The following PHF21A variants were observed in gnomAD, a reference collection of about 807,000 sequenced individuals.
The protein encoded by PHF21A is PHD finger protein 21A.
Under a neutral mutation model 82.5 loss-of-function variants are expected in PHF21A, and 11 were observed. That is an observed-to-expected ratio of 0.13 (90% confidence interval 0.08 to 0.22). The LOEUF (loss-of-function observed/expected upper bound fraction) is 0.22, where lower values mean the gene tolerates loss of function less well. Ranked by LOEUF, PHF21A falls within the 10% of genes least tolerant of loss-of-function variation. The pLI is 1.00. For synonymous variants in PHF21A, 297 were observed against 302.8 expected (o/e 0.98, Z 0.20); for missense variants, 579 against 837.8 (o/e 0.69, Z 3.81).
chr11:45,968,167 A>G lies in PHF21A; in HGVS notation c.702+1648T>C, dbSNP rs149561785. On this transcript the variant is annotated intron_variant, in intron 9 of 18. Coordinates refer to ENST00000676320, the MANE Select transcript of PHF21A (RefSeq NM_001352027.3). ...TCAACATTGGTTATTACCATTATTG[A>G]CAATGTCTTAACTGTTCTTCCTGCC... Among the ~76,000 whole-genome samples the G allele has an allele frequency of 3.4e-3, 519 of 152,372 alleles. 3 individuals carry two copies. Among genetic ancestry groups the G allele is most frequent in the South Asian group, 0.025 (122 of 4,830 alleles).
At chr11:46,080,220 G>A (rs768143527) in intron 4 of PHF21A, among the ~76,000 whole-genome samples, 53 of 152,000 alleles carry the variant, frequency 3.5e-4, no homozygotes, top group Middle Eastern at 3.4e-3. Flanking sequence ...GTACAGTGGT[G>A]TGATCATGGC....
chr11:45,985,056 G>C (rs2094445681), intron 6 of PHF21A, among the ~76,000 whole-genome samples: 1 of 152,120 alleles, frequency 6.6e-6, no homozygotes, highest in Non-Finnish European at 1.5e-5. Flanking sequence ...TGGGTCTTCA[G>C]ACACACCAAT....
At chr11:46,107,268 T>A (rs757722328) in intron 1 of PHF21A, among the ~76,000 whole-genome samples, 6 of 152,092 alleles carry the variant, frequency 3.9e-5, no homozygotes, top group Non-Finnish European at 8.8e-5. Context: ...GATGACTGAG[T>A]CTAGAATAAA....
At chr11:46,103,105 G>A (rs1008499516) in intron 1 of PHF21A, among the ~76,000 whole-genome samples, 3 of 152,100 alleles carry the variant, frequency 2.0e-5, no homozygotes, top group African/African-American at 4.8e-5. Flanking sequence ...CTGCACCCCC[G>A]TCACATACAG....
chr11:46,008,194 C>CT (rs557761335), intron 6 of PHF21A, among the ~76,000 whole-genome samples: 1 of 152,228 alleles, frequency 6.6e-6, no homozygotes, highest in Admixed American at 6.5e-5. Flanking sequence ...CCCATACACT[C>CT]TATCATGTGA....
At chr11:46,027,580 T>C in intron 6 of PHF21A, among the ~76,000 whole-genome samples, 1 of 152,172 alleles carries the variant, frequency 6.6e-6, no homozygotes, top group East Asian at 1.9e-4. Flanking sequence ...CACAACTCTT[T>C]CAAGAATGAA....
intron 11 of PHF21A, among the ~76,000 whole-genome samples, chr11:45,950,578 G>A (rs1381188144): frequency 1.3e-5 from 2 of 152,032 alleles, no homozygotes; most frequent in Non-Finnish European, 2.9e-5. Flanking sequence ...GGAAGTTTAC[G>A]AATTTGTGTG....
intron 6 of PHF21A, among the ~76,000 whole-genome samples, chr11:46,061,477 C>T (rs1334759907): frequency 2.0e-5 from 3 of 152,134 alleles, no homozygotes; most frequent in Non-Finnish European, 4.4e-5. Context: ...ATTGGTGAGA[C>T]AACTATACTT....
chr11:45,989,946 C>T (rs1270772129), intron 6 of PHF21A, among the ~76,000 whole-genome samples: 9 of 152,004 alleles, frequency 5.9e-5, no homozygotes, highest in Admixed American at 3.9e-4. Context: ...GAGCCATGAT[C>T]GTGCCACTGC....
intron 15 of PHF21A, among the ~76,000 whole-genome samples, chr11:45,943,121 CTT>C (rs3061870): frequency 4.5e-5 from 5 of 112,112 alleles, no homozygotes; most frequent in South Asian, 2.9e-4. Context: ...TCTTTCTTTC[CTT>C]TTTTTTTTTT....
intron 6 of PHF21A, among the ~76,000 whole-genome samples, chr11:46,024,524 G>A (rs2095700347): frequency 6.6e-6 from 1 of 151,904 alleles, no homozygotes; most frequent in South Asian, 2.1e-4. Context: ...TTTGGGCCTG[G>A]CATGGTGGCT....
chr11:46,000,876 C>T (rs1479972489), intron 6 of PHF21A, among the ~76,000 whole-genome samples: 1 of 151,948 alleles, frequency 6.6e-6, no homozygotes, highest in East Asian at 1.9e-4. Flanking sequence ...GCCAAGATCG[C>T]ACCATTGCAC....
In PHF21A at chr11:46,069,292, A is replaced by C. The variant is rs573014682; in HGVS notation, c.153+7462T>G. 7.2e-4 allele frequency among the ~76,000 whole-genome samples: 110 copies of C among 152,348 alleles called. 1 individual carries two copies. In the South Asian group the frequency reaches 0.013, roughly 18 times the overall value. ...GTACACAAGTGGCAATAAACTCAAC[A>C]AACAATTGGACCAATGGCTTTACAT... On this transcript the variant is annotated intron_variant, in intron 6 of 18. Coordinates refer to ENST00000676320, the MANE Select transcript of PHF21A (RefSeq NM_001352027.3).
At chr11:46,041,556 T>TA (rs1289352938) in intron 6 of PHF21A, among the ~76,000 whole-genome samples, 2 of 152,134 alleles carry the variant, frequency 1.3e-5, no homozygotes, top group Non-Finnish European at 2.9e-5. Context: ...CTTTCTGGGG[T>TA]AGTGTGATTT....
chr11:46,112,831 G>A (rs887793859), intron 1 of PHF21A, among the ~76,000 whole-genome samples: 2 of 152,174 alleles, frequency 1.3e-5, no homozygotes, highest in Non-Finnish European at 2.9e-5. Flanking sequence ...AATGAATGAT[G>A]CCATAATTAT....
At chr11:45,959,213 A>T (rs2092921766) in intron 10 of PHF21A, among the ~76,000 whole-genome samples, 1 of 152,200 alleles carries the variant, frequency 6.6e-6, no homozygotes, top group Admixed American at 6.5e-5. Flanking sequence ...GCACCCCACT[A>T]CACACACAAA....
At chr11:46,098,627 T>C (rs1217218789) in intron 1 of PHF21A, among the ~76,000 whole-genome samples, 2 of 152,218 alleles carry the variant, frequency 1.3e-5, no homozygotes, top group Non-Finnish European at 2.9e-5. Flanking sequence ...TTCTTAATTA[T>C]AGATCAGACT....
In PHF21A at chr11:46,098,486, GAAGA is replaced by G. The variant is rs202114215; in HGVS notation, c.-236-6267_-236-6264del. On this transcript the variant is annotated intron_variant, in intron 1 of 18. Coordinates refer to ENST00000676320, the MANE Select transcript of PHF21A (RefSeq NM_001352027.3). ...TGTTAGAACCATTTTTTATGGTTGAGAAGAAATAGCAGAAATAAATAGAAAGAAG... is the reference window on the plus strand; with the variant it reads ...TGTTAGAACCATTTTTTATGGTTGAGAATAGCAGAAATAAATAGAAAGAAG... 2.2e-3 allele frequency among the ~76,000 whole-genome samples: 341 copies of G among 152,246 alleles called. 2 individuals are homozygous for G. The highest frequency in any genetic ancestry group is 7.4e-3 in the African/African-American group (309 of 41,546).
At chr11:45,978,728 C>T (rs925882521) in intron 7 of PHF21A, among the ~76,000 whole-genome samples, 1 of 152,196 alleles carries the variant, frequency 6.6e-6, no homozygotes. Flanking sequence ...ATAAAGGGAT[C>T]TGTGACCTTC....
Sources: gnomAD v4.1 joint callset for allele counts (sites outside exome capture counted in the v4.1 genomes callset) on GRCh38, gnomAD v4.1.1 for gene constraint, MANE v1.5 for transcripts, NCBI Gene and HGNC (gene_info 2026-07-23, HGNC 2026-07-21) for gene names.